ARMC2: variants seen among roughly 807,000 people sequenced by gnomAD.
ARMC2 encodes the protein armadillo repeat-containing protein 2.
ARMC2 carries 67 observed loss-of-function variants against 90.3 expected under a neutral mutation model. The observed-to-expected ratio is 0.74, with a 90% confidence interval of 0.61 to 0.91. ARMC2 has a LOEUF of 0.91. ARMC2 is among the 40% of genes least tolerant of loss of function. The pLI is 0.00. For synonymous variants in ARMC2, 393 were observed against 393.0 expected, an observed-to-expected ratio of 1.00 and a Z score of 0.00; for missense variants, 920 against 1,030.9, an observed-to-expected ratio of 0.89 and a Z score of 1.47.
At chr6:108,925,229 T>C (rs539561076) in intron 10 of ARMC2, among the ~76,000 whole-genome samples, 7 of 152,320 alleles carry the variant, frequency 4.6e-5, no homozygotes, top group African/African-American at 1.7e-4. Flanking sequence ...CCATTATTTT[T>C]TACTCCTCTG....
chr6:108,891,104 C>T (rs1770984543), intron 5 of ARMC2, among the ~76,000 whole-genome samples: 1 of 152,138 alleles, frequency 6.6e-6, no homozygotes. Flanking sequence ...TGGCCGCATA[C>T]TATTCCATGG....
the ARMC2 span, chr6:109,000,688 A>T: frequency 6.6e-6 from 10 of 1,506,216 alleles, no homozygotes; most frequent in Non-Finnish European, 8.0e-6. Context: ...AAACAAAAAG[A>T]TTATTCTAAT....
the ARMC2 span, among the ~76,000 whole-genome samples, chr6:109,035,676 C>T: frequency 2.0e-5 from 3 of 152,174 alleles, no homozygotes. Flanking sequence ...TCATAATGCA[C>T]TGCTGCCTCA....
chr6:108,848,881 T>G (rs1052260930), intron 1 of ARMC2: 6 of 152,196 alleles, frequency 3.9e-5, no homozygotes, highest in African/African-American at 1.4e-4. Flanking sequence ...CTGTGTGTCC[T>G]CGGATGGGGT....
the ARMC2 span, among the ~76,000 whole-genome samples, chr6:109,029,995 G>A: frequency 1.3e-5 from 2 of 152,212 alleles, no homozygotes; most frequent in East Asian, 1.9e-4. Context: ...GAGATATTAC[G>A]GTACCCAACC....
chr6:108,953,441 T>A, intron 13 of ARMC2, 90 bp downstream of exon 13: 1 of 1,331,804 alleles, frequency 7.5e-7, no homozygotes, highest in East Asian at 2.5e-5. Context: ...GATGAGGATT[T>A]TATTATCACA....
intron 12 of ARMC2, 25 bp from the exon 13 acceptor site, chr6:108,953,008 T>C (rs747242810): frequency 6.2e-5 from 98 of 1,576,142 alleles, no homozygotes; most frequent in Non-Finnish European, 8.3e-5. Context: ...TTTGCACTTT[T>C]GACTCTGTCT....
chr6:108,984,339 A>C, the ARMC2 span, among the ~76,000 whole-genome samples: 1 of 149,136 alleles, frequency 6.7e-6, no homozygotes. Context: ...TTTATTGCTC[A>C]CAGTTTTGGA....
At chr6:108,891,771 T>C (rs953954347) in intron 5 of ARMC2, among the ~76,000 whole-genome samples, 3 of 152,256 alleles carry the variant, frequency 2.0e-5, no homozygotes, top group Non-Finnish European at 4.4e-5. Context: ...TTTGTCAATT[T>C]TGGCTTTTGT....
chr6:108,953,354 G>A lies in ARMC2; in HGVS notation c.1915+3G>A, dbSNP rs1380897408. 1 of 1,593,666 alleles carries A rather than the reference G, an allele frequency of 6.3e-7. No individual in the cohort carries two copies. The highest frequency in any genetic ancestry group is 8.5e-7 in the Non-Finnish European group (1 of 1,172,592). ...GGGCCTGCTCCTGACCACGCTGGGT[G>A]AGAACCGCAGCCCACTGGCTGCAGC... On this transcript the variant is annotated splice_donor_region_variant and intron_variant, in intron 13 of 17. Transcript: ENST00000392644.
chr6:108,953,335 G>A lies in ARMC2; in HGVS notation c.1899G>A (p.Leu633=), dbSNP rs112570207. ...VLAANPGIVG[L]LLTTLEYKSL... ...CCGCCAACCCGGGGATAGTGGGCCT[G>A]CTCCTGACCACGCTGGGTGAGAACC... Residue 633 remains leucine (L), a synonymous_variant, in exon 13 of 18, where the codon CTG becomes CTA. Coordinates refer to ENST00000392644, the MANE Select transcript of ARMC2 (RefSeq NM_032131.6). 648 of 1,604,408 alleles carry A rather than the reference G, an allele frequency of 4.0e-4. 3 individuals carry two copies. The highest frequency in any genetic ancestry group is 3.5e-3 in the African/African-American group (265 of 75,002).
chr6:108,899,119 T>G (rs1481829077), intron 6 of ARMC2, among the ~76,000 whole-genome samples: 1 of 152,196 alleles, frequency 6.6e-6, no homozygotes, highest in Non-Finnish European at 1.5e-5. Context: ...GATAAGAAAC[T>G]GGACCCCATC....
the ARMC2 span, chr6:108,986,974 T>G: frequency 6.6e-6 from 1 of 152,666 alleles, no homozygotes; most frequent in African/African-American, 2.4e-5. Context: ...GCTGTGTGAG[T>G]AGGAATTCTA....
intron 5 of ARMC2, among the ~76,000 whole-genome samples, chr6:108,889,259 C>CATTCAATTTAAGATGAGGAAACCAGG (rs1422931158): frequency 6.0e-5 from 9 of 150,920 alleles, no homozygotes; most frequent in African/African-American, 2.0e-4. Flanking sequence ...GATTCTCCTG[C>CATTCAATTTAAGATGAGGAAACCAGG]CTCAGCCTCC....
chr6:108,938,872 A>G (rs1445481208), intron 12 of ARMC2, among the ~76,000 whole-genome samples: 1 of 152,184 alleles, frequency 6.6e-6, no homozygotes, highest in Admixed American at 6.5e-5. Flanking sequence ...TGATGGCCAT[A>G]TGGAATAAAC....
At chr6:108,965,556 G>T (rs574170474) in intron 17 of ARMC2, among the ~76,000 whole-genome samples, 51 of 152,216 alleles carry the variant, frequency 3.4e-4, no homozygotes, top group Admixed American at 1.2e-3. Flanking sequence ...TATCATGTGG[G>T]TGAGGGCCTG....
chr6:108,860,111 A>C (rs1775069731), intron 3 of ARMC2, among the ~76,000 whole-genome samples: 1 of 148,724 alleles, frequency 6.7e-6, no homozygotes, highest in African/African-American at 2.5e-5. Context: ...CTGTATTCTG[A>C]TCCCTTTATT....
chr6:108,896,071 G>T (rs554258396), intron 6 of ARMC2, among the ~76,000 whole-genome samples: 1 of 152,120 alleles, frequency 6.6e-6, no homozygotes, highest in African/African-American at 2.4e-5. Context: ...TCAATAAAAT[G>T]ACTTCTGTGT....
At chr6:108,929,662 T>C (rs1178908395) in intron 11 of ARMC2, among the ~76,000 whole-genome samples, 2 of 152,118 alleles carry the variant, frequency 1.3e-5, no homozygotes. Context: ...TCATTATTAT[T>C]TGTGGAAACG....
Sources: gnomAD v4.1 joint callset for allele counts (sites outside exome capture counted in the v4.1 genomes callset) on GRCh38, gnomAD v4.1.1 for gene constraint, MANE v1.5 for transcripts, NCBI Gene and HGNC (gene_info 2026-07-23, HGNC 2026-07-21) for gene names.